FAM13A: variants seen among roughly 807,000 people sequenced by gnomAD.
FAM13A encodes protein FAM13A.
FAM13A carries 76 observed loss-of-function variants against 129.6 expected under a neutral mutation model. The observed-to-expected ratio is 0.59, with a 90% CI of 0.49 to 0.71. The LOEUF is 0.71. Ranked by LOEUF, FAM13A falls within the 30% of genes least tolerant of loss-of-function variation. FAM13A has a pLI of 0.00. For missense variants in FAM13A, 1,108 were observed against 1,249.3 expected, an observed-to-expected ratio of 0.89 and a Z score of 1.70; for synonymous variants, 443 against 449.9, an observed-to-expected ratio of 0.98 and a Z score of 0.20.
intron 7 of FAM13A, among the ~76,000 whole-genome samples, chr4:88,848,577 TAA>T (rs1737061546): frequency 6.6e-6 from 1 of 152,202 alleles, no homozygotes; most frequent in Non-Finnish European, 1.5e-5. Context: ...TCATTCTCAG[TAA>T]GTGACAATGA....
At chr4:88,827,190 C>T (rs933220865) in intron 7 of FAM13A, among the ~76,000 whole-genome samples, 3 of 152,208 alleles carry the variant, frequency 2.0e-5, no homozygotes, top group Non-Finnish European at 4.4e-5. Context: ...GAAACACTCA[C>T]CTTCAGTTTT....
chr4:88,775,738 AC>A (rs947282744), intron 11 of FAM13A, among the ~76,000 whole-genome samples: 2 of 152,160 alleles, frequency 1.3e-5, no homozygotes, highest in African/African-American at 2.4e-5. Flanking sequence ...ACTAACAAGT[AC>A]AGACTGTTCA....
At chr4:88,728,754 C>A in intron 23 of FAM13A, 95 bp from the exon 24 acceptor site, 3 of 1,450,622 alleles carry the variant, frequency 2.1e-6, no homozygotes, top group Non-Finnish European at 1.9e-6. Context: ...AGAAACTTTG[C>A]AGTTTATCAA....
chr4:88,771,381 A>G (rs1720650755), intron 11 of FAM13A, among the ~76,000 whole-genome samples: 1 of 152,162 alleles, frequency 6.6e-6, no homozygotes, highest in Non-Finnish European at 1.5e-5. Context: ...TAATGCTGAA[A>G]TGCAGAATGC....
intron 1 of FAM13A, among the ~76,000 whole-genome samples, chr4:89,042,916 C>A (rs1770348802): frequency 6.6e-6 from 1 of 152,136 alleles, no homozygotes; most frequent in Non-Finnish European, 1.5e-5. Flanking sequence ...TTGAAATGTT[C>A]AAGAACCTAT....
intron 4 of FAM13A, chr4:88,989,972 A>C (rs1272064375): frequency 6.6e-6 from 1 of 152,362 alleles, no homozygotes; most frequent in East Asian, 1.9e-4. Context: ...ACTTTTTACT[A>C]TCACGGAGCT....
chr4:88,733,404 TTTAAA>T (rs2149398928), intron 21 of FAM13A, among the ~76,000 whole-genome samples: 1 of 152,386 alleles, frequency 6.6e-6, no homozygotes, highest in Non-Finnish European at 1.5e-5. Flanking sequence ...CTTGAGTCTC[TTTAAA>T]TTGTTAAAAA....
At chr4:88,795,483 G>A (rs1725975972) in intron 8 of FAM13A, among the ~76,000 whole-genome samples, 3 of 151,686 alleles carry the variant, frequency 2.0e-5, no homozygotes, top group South Asian at 4.2e-4. Flanking sequence ...AAAAAGAAAT[G>A]GAAAGTTTAG....
At chr4:88,817,082 A>G (rs1473064927) in intron 7 of FAM13A, among the ~76,000 whole-genome samples, 1 of 152,200 alleles carries the variant, frequency 6.6e-6, no homozygotes, top group Non-Finnish European at 1.5e-5. Context: ...ATGCCACAAC[A>G]TGGATGAATC....
At chr4:88,992,765 T>C (rs925917321) in intron 3 of FAM13A, among the ~76,000 whole-genome samples, 11 of 152,048 alleles carry the variant, frequency 7.2e-5, no homozygotes, top group African/African-American at 2.7e-4. Flanking sequence ...ATGCTTTCTC[T>C]CAGAAGAAAA....
chr4:88,884,088 G>A (rs544289553), intron 6 of FAM13A, among the ~76,000 whole-genome samples: 1 of 152,126 alleles, frequency 6.6e-6, no homozygotes, highest in African/African-American at 2.4e-5. Context: ...ATTCAAAGAA[G>A]AATTGGTACC....
chr4:89,037,061 A>G (rs577468844), intron 1 of FAM13A, among the ~76,000 whole-genome samples: 4 of 152,322 alleles, frequency 2.6e-5, no homozygotes, highest in Non-Finnish European at 4.4e-5. Context: ...GCCCCCATAC[A>G]AGAGTCCCCA....
At chr4:89,006,103 T>A (rs548813078) in intron 3 of FAM13A, among the ~76,000 whole-genome samples, 1 of 152,286 alleles carries the variant, frequency 6.6e-6, no homozygotes, top group Non-Finnish European at 1.5e-5. Flanking sequence ...AAAGAAGGGG[T>A]CCAGCTTCAG....
Position 88,739,143 on chromosome 4 carries a change from G to A in FAM13A, c.2467-18C>T, listed in dbSNP as rs773112301. 2.8e-5 allele frequency: 44 copies of A among 1,575,776 alleles called. No individual in the cohort carries two copies. The highest frequency in any genetic ancestry group is 3.4e-5 in the Non-Finnish European group (39 of 1,145,266). On this transcript the variant is annotated intron_variant, in intron 19 of 23. Transcript: ENST00000264344. Reference sequence around the variant, plus strand: ...TTTGTTACCTGAAAAGCAAGAATGAGAGCTATGAGAAGCCTGCTGCTGGGA... The same window carrying A: ...TTTGTTACCTGAAAAGCAAGAATGAAAGCTATGAGAAGCCTGCTGCTGGGA...
intron 1 of FAM13A, among the ~76,000 whole-genome samples, chr4:89,051,924 C>G (rs865943584): frequency 2.0e-5 from 3 of 152,128 alleles, no homozygotes; most frequent in Non-Finnish European, 2.9e-5. Context: ...AGAGGTTGAG[C>G]CCCTAAGTCT....
At chr4:89,049,242 G>A (rs1028721825) in intron 1 of FAM13A, among the ~76,000 whole-genome samples, 13 of 151,042 alleles carry the variant, frequency 8.6e-5, no homozygotes, top group African/African-American at 2.9e-4. Flanking sequence ...CAGCCTGGGC[G>A]AAAAAGCAGG....
intron 19 of FAM13A, among the ~76,000 whole-genome samples, chr4:88,742,631 T>C (rs1740504245): frequency 1.3e-5 from 2 of 152,198 alleles, no homozygotes; most frequent in Non-Finnish European, 2.9e-5. Flanking sequence ...ATAATAATGA[T>C]CAGTGCTCAG....
chr4:88,982,969 T>C (rs537502629), intron 4 of FAM13A, among the ~76,000 whole-genome samples: 20 of 152,264 alleles, frequency 1.3e-4, no homozygotes, highest in Admixed American at 6.5e-4. Flanking sequence ...CCTCCAGTGA[T>C]TGATGGAAAT....
chr4:88,998,737 T>C (rs2149045538), intron 3 of FAM13A, among the ~76,000 whole-genome samples: 1 of 152,350 alleles, frequency 6.6e-6, no homozygotes, highest in East Asian at 1.9e-4. Flanking sequence ...AAAATAATTA[T>C]GAAATGCCAG....
Sources: allele counts gnomAD v4.1 joint callset (sites outside exome capture counted in the v4.1 genomes callset), GRCh38; gene constraint gnomAD v4.1.1; transcripts MANE v1.5; gene names NCBI Gene and HGNC (gene_info 2026-07-23, HGNC 2026-07-21).